Variants in TTYH2 observed in about 807,000 individuals in gnomAD.
The protein encoded by TTYH2 is protein tweety homolog 2.
A neutral mutation model predicts 68.3 loss-of-function variants in TTYH2; 49 were observed. The ratio of observed to expected loss-of-function variants is 0.72; its 90% CI spans 0.57 to 0.91. The LOEUF (loss-of-function observed/expected upper bound fraction) is 0.91, where lower values mean the gene tolerates loss of function less well. TTYH2 is among the 40% of genes least tolerant of loss of function. The pLI is 0.00. For missense variants in TTYH2, 631 were observed against 700.4 expected, an observed-to-expected ratio of 0.90 and a Z score of 1.12; for synonymous variants, 272 against 300.8, an observed-to-expected ratio of 0.90 and a Z score of 0.99.
At chr17:74,246,026 C>T (rs2050554256) in intron 6 of TTYH2, among the ~76,000 whole-genome samples, 1 of 152,182 alleles carries the variant, frequency 6.6e-6, no homozygotes, top group African/African-American at 2.4e-5. Flanking sequence ...GGGGCCACCC[C>T]TCGTGGTCAG....
chr17:74,222,658 G>A lies in TTYH2; in HGVS notation c.302+1G>A. The A allele has an allele frequency of 6.2e-7, 1 of 1,607,360 alleles. No homozygotes were observed. On this transcript the variant is annotated splice_donor_variant, in intron 2 of 13. Coordinates refer to ENST00000269346, the MANE Select transcript of TTYH2 (RefSeq NM_032646.6). LOFTEE classifies it high-confidence loss of function. The surrounding 1 kb of genome is among the most constrained non-coding windows in gnomAD (Gnocchi z 5.2). The stretch of plus-strand genomic sequence containing the variant: ...CCGTGGTGGCCGGGCTCATCTGCTG[G>A]TGAGTGTCCCTGGACGCTGGGCTTG...
At chr17:74,249,838 G>A (rs1005889497) in intron 8 of TTYH2, 98 bp from the exon 9 acceptor site, 1 of 1,363,610 alleles carries the variant, frequency 7.3e-7, no homozygotes, top group African/African-American at 1.4e-5. Context: ...AGGAGCATAG[G>A]CCCCTCAGCC....
intron 3 of TTYH2, among the ~76,000 whole-genome samples, chr17:74,236,874 T>C (rs1175970851): frequency 1.3e-5 from 2 of 149,868 alleles, no homozygotes; most frequent in African/African-American, 4.9e-5. Flanking sequence ...TGTTCATTCA[T>C]GCCTAAGCAG....
chr17:74,258,229 T>C (rs1233579509), intron 13 of TTYH2, among the ~76,000 whole-genome samples: 1 of 152,146 alleles, frequency 6.6e-6, no homozygotes, highest in Admixed American at 6.5e-5. Context: ...CCACCCTGTT[T>C]CTGATTCAGA....
rs545444809 is a variant in TTYH2, at chr17:74,214,446, A to G, written c.129+730A>G. On this transcript the variant is annotated intron_variant, in intron 1 of 13. Transcript: ENST00000269346. This position sits in a 1 kb window ranked among gnomAD's most constrained non-coding sequence, Gnocchi z 4.6. ...GTGTCCCCTGGTCCTAGACTGGCCC[A>G]TTCCTGTTCCCCCACGCCCCTCTCT... Among the ~76,000 whole-genome samples the G allele has an allele frequency of 2.0e-5, 3 of 152,128 alleles. No individual in the cohort carries two copies. In the South Asian group the frequency reaches 6.2e-4, roughly 32 times the overall value.
At chr17:74,249,489 C>A in intron 8 of TTYH2, 90 bp downstream of exon 8, 1 of 1,441,484 alleles carries the variant, frequency 6.9e-7, no homozygotes, top group Non-Finnish European at 9.7e-7. Context: ...GCGGAGGTGG[C>A]AGGGCCTTGC....
rs1272369135 is a variant in TTYH2 at position 74,241,292 on chromosome 17, T to TGC, written c.636-2081_636-2080insCG. Among the ~76,000 whole-genome samples, 1 of 150,212 alleles carries TGC rather than the reference T, an allele frequency of 6.7e-6. No homozygotes were observed. The highest frequency in any genetic ancestry group is 2.5e-5 in the African/African-American group (1 of 40,180). On this transcript the variant is annotated intron_variant, in intron 4 of 13. Coordinates refer to ENST00000269346, the MANE Select transcript of TTYH2 (RefSeq NM_032646.6). The surrounding 1 kb of genome is among the most constrained non-coding windows in gnomAD (Gnocchi z 4.1). ...GTGTGTGTGTGTGTGTGTGTGTGTG[T>TGC]GTGTGCGTGTAAAAATAAGAATGTG...
rs748753931 is a variant in TTYH2 at position 74,213,743 on chromosome 17, G to A, written c.129+27G>A. ...TAAGTTTACGCCGCCCCAGACCGCA[G>A]CCACGCGCGCCCCAAGTCCCCGCAC... is the stretch of plus-strand genomic sequence containing the variant. On this transcript the variant is annotated intron_variant, in intron 1 of 13. Coordinates refer to ENST00000269346, the MANE Select transcript of TTYH2 (RefSeq NM_032646.6). This position sits in a 1 kb window ranked among gnomAD's most constrained non-coding sequence, Gnocchi z 6.1. 1 of 1,604,484 alleles carries A rather than the reference G, an allele frequency of 6.2e-7. No homozygotes were observed. Among genetic ancestry groups the A allele is most frequent in the Non-Finnish European group, 8.5e-7 (1 of 1,175,168 alleles).
intron 2 of TTYH2, among the ~76,000 whole-genome samples, chr17:74,226,318 C>T (rs182727991): frequency 3.3e-5 from 5 of 152,214 alleles, no homozygotes; most frequent in East Asian, 1.9e-4. Flanking sequence ...ACAGCTAGGA[C>T]GCAAAAGGTG....
At chr17:74,252,133 C>A in intron 10 of TTYH2, 101 bp from the exon 11 acceptor site, 1 of 1,504,886 alleles carries the variant, frequency 6.6e-7, no homozygotes, top group South Asian at 1.2e-5. Context: ...CCAGGAGACC[C>A]CAGGTCCAGG....
chr17:74,246,219 G>T (rs1199861251), intron 6 of TTYH2, among the ~76,000 whole-genome samples: 1 of 152,132 alleles, frequency 6.6e-6, no homozygotes, highest in East Asian at 1.9e-4. Context: ...CAGCTAAGGG[G>T]CAGCCAGGCC....
chr17:74,250,093 G>A (rs568869200), intron 9 of TTYH2, 65 bp downstream of exon 9: 37 of 1,571,124 alleles, frequency 2.4e-5, no homozygotes, highest in African/African-American at 9.5e-5. Flanking sequence ...CCCCTGCCCC[G>A]GCCCCAGGGC....
Position 74,215,240 on chromosome 17 carries a change from C to T in TTYH2, c.129+1524C>T, listed in dbSNP as rs572714141. 1.4e-4 allele frequency among the ~76,000 whole-genome samples: 22 copies of T among 152,004 alleles called. No individual in the cohort carries two copies. The South Asian group carries it at 4.6e-3, about 32-fold the overall frequency. On this transcript the variant is annotated intron_variant, in intron 1 of 13. Coordinates refer to ENST00000269346, the MANE Select transcript of TTYH2 (RefSeq NM_032646.6). This position sits in a 1 kb window ranked among gnomAD's most constrained non-coding sequence, Gnocchi z 4.3. ...AACCCTGTGCCCCACATCCCACACCCGGGGTCTCCAGCCATAGTTTTCTCC... is the reference window on the plus strand; with the variant it reads ...AACCCTGTGCCCCACATCCCACACCTGGGGTCTCCAGCCATAGTTTTCTCC...
chr17:74,224,998 CAA>C (rs112895924), intron 2 of TTYH2, among the ~76,000 whole-genome samples: 2 of 123,424 alleles, frequency 1.6e-5, no homozygotes, highest in Non-Finnish European at 1.7e-5. Flanking sequence ...GACTCCGTCT[CAA>C]AAAAAAAAAA....
chr17:74,223,706 A>T (rs542039845), intron 2 of TTYH2, among the ~76,000 whole-genome samples: 25 of 152,290 alleles, frequency 1.6e-4, no homozygotes, highest in African/African-American at 6.0e-4. Flanking sequence ...GTGTCCACGC[A>T]GAGACGCTTC....
rs574661142 is a variant in TTYH2, at chr17:74,214,816, A to G, written c.129+1100A>G. Among the ~76,000 whole-genome samples the G allele has an allele frequency of 4.0e-4, 61 of 152,286 alleles. No homozygotes were observed. In the Middle Eastern group the frequency reaches 0.01, roughly 25 times the overall value. On this transcript the variant is annotated intron_variant, in intron 1 of 13. Transcript: ENST00000269346. The surrounding 1 kb of genome is among the most constrained non-coding windows in gnomAD (Gnocchi z 4.6). Reference sequence around the variant, plus strand: ...CCTCTCCCTGTGTCAAGTTCTCCAGATATGGGACAGATCAGGGCAAAGCAG... The same window carrying G: ...CCTCTCCCTGTGTCAAGTTCTCCAGGTATGGGACAGATCAGGGCAAAGCAG...
Position 74,260,306 on chromosome 17 carries a change from A to G in TTYH2, c.*97A>G. ...TTTAATAGAAACCAAAGGCATCTGG[A>G]GCCCGAGAGGCCTCCTGCTGTGGCA... On this transcript the variant is annotated 3_prime_UTR_variant, in exon 14 of 14. Coordinates refer to ENST00000269346, the MANE Select transcript of TTYH2 (RefSeq NM_032646.6). The G allele has an allele frequency of 7.8e-7, 1 of 1,283,806 alleles. No individual in the cohort carries two copies. The highest frequency in any genetic ancestry group is 1.2e-5 in the South Asian group (1 of 82,618). 79.5% of individuals were successfully genotyped at this position (1,283,806 alleles called of 1,614,324 possible). A position where few individuals can be genotyped will look rare whatever the true frequency, so the allele number is the denominator to read the frequency against.
At chr17:74,250,053 G>T in intron 9 of TTYH2, 25 bp downstream of exon 9, 1 of 1,612,672 alleles carries the variant, frequency 6.2e-7, no homozygotes, top group Non-Finnish European at 8.5e-7. Flanking sequence ...CAGGAAGAGG[G>T]GAGCCCCAGA....
intron 13 of TTYH2, among the ~76,000 whole-genome samples, chr17:74,255,100 G>T (rs1484299759): frequency 6.6e-6 from 1 of 152,232 alleles, no homozygotes; most frequent in East Asian, 1.9e-4. Flanking sequence ...CAGAAATACT[G>T]GCTGAGACAA....
Sources: gnomAD v4.1 joint callset for allele counts (sites outside exome capture counted in the v4.1 genomes callset) on GRCh38, gnomAD v4.1.1 for gene constraint, Gnocchi (gnomAD v3.1) non-coding constraint, MANE v1.5 for transcripts, NCBI Gene and HGNC (gene_info 2026-07-23, HGNC 2026-07-21) for gene names.